RANBP2: variants seen among roughly 807,000 people sequenced by gnomAD.
RANBP2 encodes RAN binding protein 2.
RANBP2 carries 57 observed loss-of-function variants against 303.6 expected under a neutral mutation model. The observed-to-expected ratio is 0.19, with a 90% CI of 0.15 to 0.23. RANBP2 has a LOEUF of 0.23. Among genes scored for constraint, RANBP2 ranks in the 10% least tolerant of loss-of-function variants. The pLI is 1.00. For missense variants in RANBP2, 3,138 were observed against 3,780.8 expected (o/e 0.83, Z 4.46); for synonymous variants, 1,167 against 1,301.5 (o/e 0.90, Z 2.23).
chr2:109,244,177 A>G, the RANBP2 span, among the ~76,000 whole-genome samples: 4 of 152,322 alleles, frequency 2.6e-5, no homozygotes, highest in East Asian at 1.9e-4. Context: ...AGGATGTACT[A>G]TTTATGGACT....
At chr2:108,825,486 T>G in the RANBP2 span, among the ~76,000 whole-genome samples, 4 of 152,124 alleles carry the variant, frequency 2.6e-5, no homozygotes, top group South Asian at 8.3e-4. Context: ...GCACTTCCAG[T>G]CCTAGGCAAC....
At chr2:108,940,859 G>A in the RANBP2 span, among the ~76,000 whole-genome samples, 1 of 152,202 alleles carries the variant, frequency 6.6e-6, no homozygotes, top group Admixed American at 6.5e-5. Context: ...TCAGATGATA[G>A]TTTTAAAACT....
the RANBP2 span, among the ~76,000 whole-genome samples, chr2:109,735,671 G>A: frequency 1.3e-5 from 2 of 151,856 alleles, no homozygotes; most frequent in African/African-American, 4.8e-5. Context: ...TTCAGCCCAG[G>A]GTTTTTTCAC....
At chr2:109,375,457 C>A in the RANBP2 span, among the ~76,000 whole-genome samples, 1 of 152,236 alleles carries the variant, frequency 6.6e-6, no homozygotes, top group East Asian at 1.9e-4. Context: ...GAGGAGTGGG[C>A]CTGGCCTCTC....
At chr2:109,588,949 G>C in the RANBP2 span, among the ~76,000 whole-genome samples, 2 of 151,090 alleles carry the variant, frequency 1.3e-5, no homozygotes, top group Non-Finnish European at 2.9e-5. Context: ...AAAGAAGGTA[G>C]GAAAGAAGAA....
chr2:109,598,439 C>A, the RANBP2 span, among the ~76,000 whole-genome samples: 1 of 152,050 alleles, frequency 6.6e-6, no homozygotes, highest in African/African-American at 2.4e-5. Flanking sequence ...AAATATAGAA[C>A]CAAAGTTTTT....
the RANBP2 span, among the ~76,000 whole-genome samples, chr2:109,349,991 G>C: frequency 6.6e-6 from 1 of 152,230 alleles, no homozygotes; most frequent in African/African-American, 2.4e-5. Flanking sequence ...AGTCAGGTGC[G>C]GGAGACAGGC....
the RANBP2 span, among the ~76,000 whole-genome samples, chr2:108,843,844 TTGTGTGTGTGTGTGTGTGTG>T: frequency 4.4e-5 from 1 of 22,808 alleles, no homozygotes; most frequent in African/African-American, 6.5e-5. Context: ...AGTTCATGTT[TTGTGTGTGTGTGTGTGTGTG>T]TGTGTGTGTG....
the RANBP2 span, among the ~76,000 whole-genome samples, chr2:108,979,698 G>A: frequency 6.6e-6 from 1 of 152,296 alleles, no homozygotes; most frequent in East Asian, 1.9e-4. Context: ...AGGAACTGCA[G>A]AGGAGAGGAG....
the RANBP2 span, among the ~76,000 whole-genome samples, chr2:109,249,125 C>T: frequency 6.6e-6 from 1 of 152,206 alleles, no homozygotes; most frequent in Non-Finnish European, 1.5e-5. Context: ...AAGCAATTTC[C>T]CTGTCTTGGC....
chr2:108,875,374 A>G, the RANBP2 span, among the ~76,000 whole-genome samples: 1 of 151,772 alleles, frequency 6.6e-6, no homozygotes, highest in African/African-American at 2.4e-5. Flanking sequence ...AATTACTGAC[A>G]GGTTATTAGA....
the RANBP2 span, among the ~76,000 whole-genome samples, chr2:109,198,487 T>G: frequency 6.6e-6 from 1 of 152,178 alleles, no homozygotes; most frequent in Non-Finnish European, 1.5e-5. Context: ...TTTCTCAGGC[T>G]GCTATAACAA....
chr2:109,390,529 C>T, the RANBP2 span, among the ~76,000 whole-genome samples: 1 of 152,292 alleles, frequency 6.6e-6, no homozygotes, highest in South Asian at 2.1e-4. Context: ...ACACATCACC[C>T]AATATCAAGA....
the RANBP2 span, among the ~76,000 whole-genome samples, chr2:109,487,909 A>G: frequency 6.7e-6 from 1 of 150,306 alleles, no homozygotes; most frequent in Non-Finnish European, 1.5e-5. Flanking sequence ...AACAAAACAA[A>G]CACGACCCCT....
At chr2:108,996,424 C>T in the RANBP2 span, among the ~76,000 whole-genome samples, 2 of 152,214 alleles carry the variant, frequency 1.3e-5, no homozygotes, top group Non-Finnish European at 2.9e-5. Context: ...AACCACACTC[C>T]TTGGGAGCAG....
the RANBP2 span, among the ~76,000 whole-genome samples, chr2:108,881,311 C>T: frequency 0.072 from 10,966 of 152,270 alleles, 494 homozygotes; most frequent in Middle Eastern, 0.1. Flanking sequence ...TCAACCTTTC[C>T]TTCTGCAGCT....
chr2:109,127,800 G>C, the RANBP2 span: 1 of 152,220 alleles, frequency 6.6e-6, no homozygotes, highest in African/African-American at 2.4e-5. Flanking sequence ...AGTGAGCCGT[G>C]ATAGCACCCC....
the RANBP2 span, among the ~76,000 whole-genome samples, chr2:109,048,692 A>G: frequency 2.0e-5 from 3 of 152,152 alleles, no homozygotes; most frequent in African/African-American, 7.2e-5. Context: ...CTGCTGTTCT[A>G]TATTCCACAG....
the RANBP2 span, among the ~76,000 whole-genome samples, chr2:109,393,371 G>A: frequency 2.0e-5 from 3 of 152,188 alleles, no homozygotes; most frequent in East Asian, 3.8e-4. Context: ...GAACAGCATC[G>A]TCGTCTCTTG....
Sources: allele counts gnomAD v4.1 joint callset (sites outside exome capture counted in the v4.1 genomes callset), GRCh38; gene constraint gnomAD v4.1.1; transcripts MANE v1.5; gene names NCBI Gene and HGNC (gene_info 2026-07-23, HGNC 2026-07-21).